RYR2: variants seen among roughly 807,000 people sequenced by gnomAD.
RYR2 encodes the protein ryanodine receptor 2, also known as cardiac muscle ryanodine receptor-calcium release channel.
RYR2 carries 227 observed loss-of-function variants against 601.1 expected under a neutral mutation model. The observed-to-expected ratio is 0.38, with a 90% CI of 0.34 to 0.42. The LOEUF is 0.42. Ranked by LOEUF, RYR2 falls within the 10% of genes least tolerant of loss-of-function variation. RYR2 has a pLI of 1.00. For missense variants in RYR2, 4,646 were observed against 6,156.5 expected (o/e 0.75, Z 8.21); for synonymous variants, 2,223 against 2,175.1 (o/e 1.02, Z -0.61).
At chr1:237,765,905 C>G (rs1240332142) in intron 84 of RYR2, among the ~76,000 whole-genome samples, 2 of 152,026 alleles carry the variant, frequency 1.3e-5, no homozygotes, top group African/African-American at 4.8e-5. Context: ...GACTTGTAAA[C>G]AAATAAATTC....
chr1:237,602,498 G>A (rs1012032300), intron 35 of RYR2, among the ~76,000 whole-genome samples: 42 of 152,184 alleles, frequency 2.8e-4, no homozygotes, highest in African/African-American at 9.7e-4. Context: ...CAGTTGGATG[G>A]GTTGGATCAG....
intron 1 of RYR2, among the ~76,000 whole-genome samples, chr1:237,148,553 T>TATATATATAA (rs71178397): frequency 9.5e-6 from 1 of 105,702 alleles, no homozygotes; most frequent in Non-Finnish European, 1.9e-5. Context: ...TATATATATA[T>TATATATATAA]ACACACACAC....
At chr1:237,255,837 C>CAG (rs1217479672) in intron 1 of RYR2, among the ~76,000 whole-genome samples, 7 of 77,206 alleles carry the variant, frequency 9.1e-5, no homozygotes, top group African/African-American at 4.2e-4. Flanking sequence ...CTTGCTATAC[C>CAG]AGTGTGTGTG....
rs531393179 is a variant in RYR2, at chr1:237,745,109, A to AT, written c.11145+2767dup. Among the ~76,000 whole-genome samples, 32 of 152,102 alleles carry AT rather than the reference A, an allele frequency of 2.1e-4. No homozygotes were observed. In the South Asian group the frequency reaches 5.4e-3, roughly 26 times the overall value. On this transcript the variant is annotated intron_variant, in intron 80 of 104. Transcript: ENST00000366574. ...AGCCACCACGCCCAGCCACTTTTTA[A>AT]TTTTTTTAACTCACTGTTATAGTTG...
chr1:237,524,688 G>T (rs115357656), intron 24 of RYR2, among the ~76,000 whole-genome samples: 2,770 of 150,990 alleles, frequency 0.018, 26 homozygotes, highest in Non-Finnish European at 0.023. Flanking sequence ...AACCAACAGG[G>T]TGTATGTATG....
At chr1:237,460,969 T>A (rs1659412193) in intron 16 of RYR2, among the ~76,000 whole-genome samples, 1 of 152,224 alleles carries the variant, frequency 6.6e-6, no homozygotes, top group South Asian at 2.1e-4. Flanking sequence ...CTCCAACCTC[T>A]TGCTTCATTC....
intron 1 of RYR2, among the ~76,000 whole-genome samples, chr1:237,239,565 G>A (rs1329673772): frequency 6.6e-6 from 1 of 152,072 alleles, no homozygotes; most frequent in Non-Finnish European, 1.5e-5. Flanking sequence ...CTTCTTTACT[G>A]CACACGTGGC....
intron 8 of RYR2, among the ~76,000 whole-genome samples, chr1:237,378,442 G>A (rs186865469): frequency 5.9e-5 from 9 of 152,294 alleles, no homozygotes; most frequent in African/African-American, 2.2e-4. Flanking sequence ...TGTGAAGGAT[G>A]CTAGAGCAAA....
chr1:237,319,646 A>G (rs1272273925), intron 2 of RYR2, among the ~76,000 whole-genome samples: 2 of 152,116 alleles, frequency 1.3e-5, no homozygotes, highest in East Asian at 3.9e-4. Flanking sequence ...TAATGATGGT[A>G]CAGAGATTGT....
rs2805418 is a variant in RYR2 at position 237,601,900 on chromosome 1, G to A, written c.4597-125G>A. 0.44 allele frequency: 303,431 copies of A among 683,434 alleles called. 70,287 individuals carry two copies. Among genetic ancestry groups the A allele is most frequent in the Admixed American group, 0.54 (18,296 of 34,066 alleles). The allele number at this position is 683,434 out of a possible 1,614,324, so 42.3% of individuals were successfully genotyped here. ...TAATTCTTGAAGGAGCACATCAATC[G>A]ATATGCAAGAAAGGAAAATCTCTGG... On this transcript the variant is annotated intron_variant, in intron 34 of 104. Coordinates refer to ENST00000366574, the MANE Select transcript of RYR2 (RefSeq NM_001035.3).
rs1327993411 is a variant in RYR2, at chr1:237,074,021, T to C, written c.48+31452T>C. 5.3e-5 allele frequency among the ~76,000 whole-genome samples: 8 copies of C among 149,698 alleles called. No individual in the cohort carries two copies. In the East Asian group the frequency reaches 7.7e-4, roughly 14 times the overall value. On this transcript the variant is annotated intron_variant, in intron 1 of 104. Transcript: ENST00000366574. The stretch of plus-strand genomic sequence containing the variant: ...ACCATGGCTATGAGAAGATTTAAAA[T>C]TTTTTTGTGTGGGAGCCCTAAATGA...
chr1:237,386,422 T>G (rs942441699), intron 8 of RYR2, among the ~76,000 whole-genome samples: 3 of 152,168 alleles, frequency 2.0e-5, no homozygotes, highest in African/African-American at 7.2e-5. Context: ...TCTGGGAAAT[T>G]TCTGGTCTGA....
chr1:237,793,542 A>C (rs904212324), intron 94 of RYR2, among the ~76,000 whole-genome samples: 1 of 152,184 alleles, frequency 6.6e-6, no homozygotes, highest in South Asian at 2.1e-4. Flanking sequence ...TCATGTTGAG[A>C]GATATATGTA....
Position 237,417,138 on chromosome 1 carries a change from T to G in RYR2, c.848+15T>G, listed in dbSNP as rs751643503. 5.6e-6 allele frequency: 9 copies of G among 1,600,794 alleles called. No homozygotes were observed. The Admixed American group carries it at 1.0e-4, about 18-fold the overall frequency. ...CTAAGAGTTGCGTAAGTAGAACTTC[T>G]AAACACAGCCTAATGCACCAAGTGT... On this transcript the variant is annotated intron_variant, in intron 11 of 104. Transcript: ENST00000366574.
intron 1 of RYR2, among the ~76,000 whole-genome samples, chr1:237,166,410 A>T (rs958585290): frequency 6.6e-6 from 1 of 152,326 alleles, no homozygotes; most frequent in Middle Eastern, 3.4e-3. Flanking sequence ...ACATGGATGG[A>T]TCTTTTGAAA....
intron 1 of RYR2, among the ~76,000 whole-genome samples, chr1:237,228,158 A>G (rs1684601519): frequency 6.6e-6 from 1 of 152,056 alleles, no homozygotes; most frequent in East Asian, 1.9e-4. Context: ...CCCAAAGTCC[A>G]TTGTGTCATT....
At chr1:237,385,613 A>G (rs1701903586) in intron 8 of RYR2, among the ~76,000 whole-genome samples, 1 of 152,220 alleles carries the variant, frequency 6.6e-6, no homozygotes, top group Non-Finnish European at 1.5e-5. Flanking sequence ...AGATATGAGC[A>G]CGGGTATTTT....
intron 97 of RYR2, among the ~76,000 whole-genome samples, chr1:237,798,386 T>C (rs1198731654): frequency 6.8e-6 from 1 of 146,950 alleles, no homozygotes; most frequent in Non-Finnish European, 1.5e-5. Context: ...GAGGTACCTT[T>C]TAATATTTAT....
chr1:237,628,487 T>G (rs1679916184), intron 41 of RYR2, among the ~76,000 whole-genome samples: 2 of 151,398 alleles, frequency 1.3e-5, no homozygotes, highest in African/African-American at 4.9e-5. Context: ...TTTTTGTTCT[T>G]GCGATAGTTT....
Sources: gnomAD v4.1 joint callset for allele counts (sites outside exome capture counted in the v4.1 genomes callset) on GRCh38, gnomAD v4.1.1 for gene constraint, MANE v1.5 for transcripts, NCBI Gene and HGNC (gene_info 2026-07-23, HGNC 2026-07-21) for gene names.